GRM7: variants seen among roughly 807,000 people sequenced by gnomAD.
The protein encoded by GRM7 is glutamate metabotropic receptor 7.
Under a neutral mutation model 84.5 loss-of-function variants are expected in GRM7, and 35 were observed. That is an observed-to-expected ratio of 0.41 (90% CI 0.32 to 0.55). GRM7 has a LOEUF of 0.55. Ranked by LOEUF, GRM7 falls within the 20% of genes least tolerant of loss-of-function variation. The probability of loss-of-function intolerance (pLI) is 0.19; values close to 1 mark genes in which losing one functional copy is unlikely to be tolerated. For missense variants in GRM7, 1,003 were observed against 1,194.6 expected, an observed-to-expected ratio of 0.84 and a Z score of 2.36; for synonymous variants, 487 against 455.1, an observed-to-expected ratio of 1.07 and a Z score of -0.89.
rs1276346022 is a variant in GRM7, at chr3:7,741,203, G to A, written c.*797G>A. ...TATTATGTTCAATATTTGTATTTGT[G>A]TTCTCTTTTGTTATTTTTAATTAGG... On this transcript the variant is annotated 3_prime_UTR_variant, in exon 10 of 10. Coordinates refer to ENST00000357716, the MANE Select transcript of GRM7 (RefSeq NM_000844.4). The A allele has an allele frequency of 2.0e-5, 3 of 152,326 alleles. No homozygotes were observed. The highest frequency in any genetic ancestry group is 6.6e-5 in the Admixed American group (1 of 15,248). 9.4% of individuals were successfully genotyped at this position (152,326 alleles called of 1,614,324 possible).
chr3:7,394,551 T>C (rs191849451), intron 4 of GRM7, among the ~76,000 whole-genome samples: 25 of 152,320 alleles, frequency 1.6e-4, no homozygotes, highest in Non-Finnish European at 3.5e-4. Flanking sequence ...TACAAATATA[T>C]AGAAATTTTT....
intron 4 of GRM7, among the ~76,000 whole-genome samples, chr3:7,357,154 G>A (rs777523773): frequency 2.5e-4 from 38 of 151,514 alleles, no homozygotes; most frequent in Non-Finnish European, 4.7e-4. Flanking sequence ...ATGGCAACTA[G>A]GACTATAAAG....
intron 2 of GRM7, among the ~76,000 whole-genome samples, chr3:7,276,823 G>T (rs1205698935): frequency 1.5e-3 from 9 of 6,190 alleles, no homozygotes; most frequent in African/African-American, 6.3e-3. Context: ...GTGGCATGTT[G>T]TTGTACAGTA....
intron 7 of GRM7, among the ~76,000 whole-genome samples, chr3:7,483,815 T>C (rs993537801): frequency 6.6e-6 from 1 of 151,914 alleles, no homozygotes; most frequent in African/African-American, 2.4e-5. Flanking sequence ...TATTGTTATA[T>C]ATTGTATATG....
At chr3:7,566,359 T>C (rs958472686) in intron 7 of GRM7, among the ~76,000 whole-genome samples, 3 of 152,196 alleles carry the variant, frequency 2.0e-5, no homozygotes, top group East Asian at 1.9e-4. Context: ...TTTGAACAAA[T>C]TTAATTTGAA....
intron 7 of GRM7, among the ~76,000 whole-genome samples, chr3:7,555,675 A>G (rs1369584459): frequency 1.3e-5 from 2 of 152,182 alleles, no homozygotes; most frequent in Non-Finnish European, 2.9e-5. Context: ...ATTTTTACCC[A>G]CTGACACTTA....
intron 9 of GRM7, among the ~76,000 whole-genome samples, chr3:7,726,233 C>A (rs1431676320): frequency 6.6e-6 from 1 of 151,918 alleles, no homozygotes; most frequent in Non-Finnish European, 1.5e-5. Flanking sequence ...TTTGCAGGAG[C>A]TCACAGGACA....
At chr3:7,441,797 G>C (rs1575340985) in intron 5 of GRM7, among the ~76,000 whole-genome samples, 1 of 152,082 alleles carries the variant, frequency 6.6e-6, no homozygotes, top group Non-Finnish European at 1.5e-5. Context: ...TAAGTGTGCA[G>C]CTTTATTTTT....
chr3:6,968,288 G>C (rs572312106), intron 1 of GRM7, among the ~76,000 whole-genome samples: 1 of 152,062 alleles, frequency 6.6e-6, no homozygotes, highest in East Asian at 1.9e-4. Flanking sequence ...CTGTCTCTGT[G>C]TCGAAATTTC....
At chr3:7,118,810 GTTTTA>G (rs763143172) in intron 1 of GRM7, among the ~76,000 whole-genome samples, 2 of 151,948 alleles carry the variant, frequency 1.3e-5, no homozygotes, top group African/African-American at 4.8e-5. Flanking sequence ...ACTGAATGAG[GTTTTA>G]TTTTGTTTCG....
chr3:6,967,630 C>T (rs1026450371), intron 1 of GRM7, among the ~76,000 whole-genome samples: 3 of 152,170 alleles, frequency 2.0e-5, no homozygotes, highest in Non-Finnish European at 4.4e-5. Flanking sequence ...AAGAAGAATA[C>T]AGCTTTTGGA....
At position 7,136,347 on chromosome 3, in the gene GRM7, C is replaced by A. The variant is rs372800794; in HGVS notation, c.520-10105C>A. On this transcript the variant is annotated intron_variant, in intron 1 of 9. Transcript: ENST00000357716. Reference sequence around the variant, plus strand: ...GGCAGAAACTGCCTCTTTAAAATGACAAATCCTAGTTATGTCTGGCAAAGT... The same window carrying A: ...GGCAGAAACTGCCTCTTTAAAATGAAAAATCCTAGTTATGTCTGGCAAAGT... 2.3e-3 allele frequency among the ~76,000 whole-genome samples: 344 copies of A among 151,852 alleles called. 2 individuals are homozygous for A. Among genetic ancestry groups the A allele is most frequent in the African/African-American group, 7.9e-3 (327 of 41,414 alleles).
At chr3:6,885,077 A>G (rs1458384182) in intron 1 of GRM7, among the ~76,000 whole-genome samples, 1 of 152,192 alleles carries the variant, frequency 6.6e-6, no homozygotes, top group East Asian at 1.9e-4. Context: ...GCAGATGAGA[A>G]TTTAAGTGAA....
At chr3:7,689,814 T>C (rs1244314767) in intron 9 of GRM7, among the ~76,000 whole-genome samples, 2 of 152,082 alleles carry the variant, frequency 1.3e-5, no homozygotes, top group Non-Finnish European at 2.9e-5. Context: ...ATCAAAGAAA[T>C]ATTTGCCAAG....
Position 6,870,483 on chromosome 3 carries a change from G to A in GRM7, c.519+8576G>A, listed in dbSNP as rs189209741. ...GAGGTCTTGAGGTCAGAGATGTGAC[G>A]GGGCTAGTTCATGCAAGGCCATCGC... On this transcript the variant is annotated intron_variant, in intron 1 of 9. Transcript: ENST00000357716. Among the ~76,000 whole-genome samples, 25 of 152,262 alleles carry A rather than the reference G, an allele frequency of 1.6e-4. No homozygotes were observed. In the East Asian group the frequency reaches 4.1e-3, roughly 25 times the overall value.
rs1160480019 is a variant in GRM7 at position 7,508,413 on chromosome 3, T to A, written c.1515+46691T>A. Among the ~76,000 whole-genome samples the A allele has an allele frequency of 3.9e-5, 6 of 152,102 alleles. No homozygotes were observed. The East Asian group carries it at 1.2e-3, about 29-fold the overall frequency. The stretch of plus-strand genomic sequence containing the variant: ...ACCTTATATTTAAAAACAAAAATAA[T>A]TTTTTGTCAATAAACATTTATAGAG... On this transcript the variant is annotated intron_variant, in intron 7 of 9. Transcript: ENST00000357716.
At chr3:6,984,428 A>G (rs1241623112) in intron 1 of GRM7, among the ~76,000 whole-genome samples, 1 of 152,226 alleles carries the variant, frequency 6.6e-6, no homozygotes, top group Non-Finnish European at 1.5e-5. Context: ...AGTAATAATT[A>G]CATAGATTTC....
At chr3:7,295,601 G>A (rs547380919) in intron 2 of GRM7, among the ~76,000 whole-genome samples, 3 of 152,246 alleles carry the variant, frequency 2.0e-5, no homozygotes, top group Admixed American at 1.3e-4. Context: ...TTACTTACAC[G>A]TTTAAAAATG....
At chr3:7,618,562 C>G (rs1260229156) in intron 8 of GRM7, among the ~76,000 whole-genome samples, 1 of 151,940 alleles carries the variant, frequency 6.6e-6, no homozygotes, top group Non-Finnish European at 1.5e-5. Flanking sequence ...TTTCTGTTGC[C>G]ATTTGTGACT....
Sources: allele counts gnomAD v4.1 joint callset (sites outside exome capture counted in the v4.1 genomes callset), GRCh38; gene constraint gnomAD v4.1.1; transcripts MANE v1.5; gene names NCBI Gene and HGNC (gene_info 2026-07-23, HGNC 2026-07-21).